Variants in KIAA1217 observed in about 807,000 individuals in gnomAD.
The protein encoded by KIAA1217 is KIAA1217.
KIAA1217 carries 88 observed loss-of-function variants against 163.9 expected under a neutral mutation model. That is an observed-to-expected ratio of 0.54 (90% CI 0.45 to 0.64). The LOEUF (loss-of-function observed/expected upper bound fraction) is 0.64, where lower values mean the gene tolerates loss of function less well. Among genes scored for constraint, KIAA1217 ranks in the 30% least tolerant of loss-of-function variants. The pLI, the probability that KIAA1217 is intolerant of heterozygous loss-of-function variation, is 0.00. For synonymous variants in KIAA1217, 903 were observed against 923.1 expected, an observed-to-expected ratio of 0.98 and a Z score of 0.39; for missense variants, 2,372 against 2,475.0, an observed-to-expected ratio of 0.96 and a Z score of 0.88.
At chr10:23,893,324 G>A (rs1457042680) in intron 1 of KIAA1217, among the ~76,000 whole-genome samples, 2 of 152,020 alleles carry the variant, frequency 1.3e-5, no homozygotes, top group Non-Finnish European at 2.9e-5. Context: ...ATTTCTGTGG[G>A]ATCGATGGTG....
intron 6 of KIAA1217, among the ~76,000 whole-genome samples, chr10:24,485,755 T>C (rs1048569138): frequency 6.6e-6 from 1 of 152,232 alleles, no homozygotes; most frequent in African/African-American, 2.4e-5. Context: ...TGCCCTCATT[T>C]TGATGTCTCT....
At chr10:24,079,455 C>T (rs912220568) in intron 2 of KIAA1217, among the ~76,000 whole-genome samples, 2 of 152,122 alleles carry the variant, frequency 1.3e-5, no homozygotes, top group African/African-American at 2.4e-5. Context: ...ATGAAAGTCT[C>T]CATTTCCCTT....
chr10:24,044,011 T>C (rs1470902946), intron 2 of KIAA1217, among the ~76,000 whole-genome samples: 3 of 152,230 alleles, frequency 2.0e-5, no homozygotes, highest in East Asian at 3.9e-4. Flanking sequence ...AGATAAATTA[T>C]AAAATAATGA....
At chr10:23,923,780 G>A (rs1022533274) in intron 1 of KIAA1217, among the ~76,000 whole-genome samples, 1 of 152,036 alleles carries the variant, frequency 6.6e-6, no homozygotes, top group Non-Finnish European at 1.5e-5. Flanking sequence ...GAACTGTAAG[G>A]GAACAAATCT....
chr10:23,788,283 A>G (rs1203098943), intron 1 of KIAA1217, among the ~76,000 whole-genome samples: 2 of 152,206 alleles, frequency 1.3e-5, no homozygotes, highest in Non-Finnish European at 2.9e-5. Flanking sequence ...ATTTGTTGAT[A>G]GCCCAGTGGG....
At chr10:24,411,089 C>A (rs757138241) in intron 3 of KIAA1217, among the ~76,000 whole-genome samples, 1 of 152,196 alleles carries the variant, frequency 6.6e-6, no homozygotes, top group Non-Finnish European at 1.5e-5. Context: ...ATGTACTGTG[C>A]ATGTCAGATT....
chr10:24,437,180 C>T (rs2060113870), intron 4 of KIAA1217, among the ~76,000 whole-genome samples: 1 of 152,142 alleles, frequency 6.6e-6, no homozygotes, highest in Non-Finnish European at 1.5e-5. Context: ...TTCCTCTGGC[C>T]AAATGGGGAG....
chr10:23,785,911 C>T (rs986546010), intron 1 of KIAA1217, among the ~76,000 whole-genome samples: 1 of 152,076 alleles, frequency 6.6e-6, no homozygotes, highest in Non-Finnish European at 1.5e-5. Flanking sequence ...GATACATAAA[C>T]AACATCAGAA....
intron 1 of KIAA1217, among the ~76,000 whole-genome samples, chr10:23,726,254 A>T (rs1051343975): frequency 1.3e-5 from 2 of 150,076 alleles, no homozygotes; most frequent in Middle Eastern, 3.5e-3. Context: ...GGGGGAGAGT[A>T]AAACTAATTT....
chr10:23,808,721 T>C (rs1473126430), intron 1 of KIAA1217, among the ~76,000 whole-genome samples: 1 of 151,882 alleles, frequency 6.6e-6, no homozygotes, highest in Non-Finnish European at 1.5e-5. Context: ...CTAATAAAAC[T>C]GTCAGAAGAG....
chr10:24,284,333 G>A (rs1256408160), intron 2 of KIAA1217, among the ~76,000 whole-genome samples: 1 of 152,158 alleles, frequency 6.6e-6, no homozygotes, highest in Admixed American at 6.5e-5. Context: ...CACCCAGATA[G>A]TGAACACAGC....
At chr10:24,368,080 A>G (rs1271339543) in intron 2 of KIAA1217, among the ~76,000 whole-genome samples, 1 of 152,242 alleles carries the variant, frequency 6.6e-6, no homozygotes. Context: ...TAAACATTAA[A>G]GTTCAAGTTT....
At chr10:24,538,942 C>T (rs1185169907) in intron 17 of KIAA1217, among the ~76,000 whole-genome samples, 1 of 151,794 alleles carries the variant, frequency 6.6e-6, no homozygotes, top group African/African-American at 2.4e-5. Flanking sequence ...CCATCTTGGC[C>T]AGGTTGGTCT....
At chr10:24,404,756 G>A (rs1004948357) in intron 3 of KIAA1217, among the ~76,000 whole-genome samples, 13 of 152,186 alleles carry the variant, frequency 8.5e-5, no homozygotes, top group African/African-American at 3.1e-4. Flanking sequence ...TCCTTCAGTG[G>A]GTGAATAGTT....
At chr10:24,176,879 C>G (rs1347193784) in intron 2 of KIAA1217, among the ~76,000 whole-genome samples, 1 of 152,186 alleles carries the variant, frequency 6.6e-6, no homozygotes, top group Non-Finnish European at 1.5e-5. Flanking sequence ...CACGGGGAGG[C>G]AGCTGAGGCC....
intron 2 of KIAA1217, among the ~76,000 whole-genome samples, chr10:24,323,186 C>A (rs901860745): frequency 2.0e-5 from 3 of 152,240 alleles, no homozygotes; most frequent in East Asian, 1.9e-4. Flanking sequence ...GAACTCCCGA[C>A]CTCAAGTGAT....
At chr10:24,403,505 C>T (rs373984191) in intron 3 of KIAA1217, among the ~76,000 whole-genome samples, 3 of 152,192 alleles carry the variant, frequency 2.0e-5, no homozygotes, top group African/African-American at 7.2e-5. Context: ...TCCCAAAGTG[C>T]TGGGATTACA....
At chr10:24,398,450 C>T (rs3858215) in intron 3 of KIAA1217, among the ~76,000 whole-genome samples, 3,966 of 152,212 alleles carry the variant, frequency 0.026, 194 homozygotes, top group African/African-American at 0.091. Context: ...GCAGCAATCT[C>T]AATTCTTGCC....
At chr10:23,737,091 A>G (rs1838848937) in intron 1 of KIAA1217, among the ~76,000 whole-genome samples, 1 of 152,228 alleles carries the variant, frequency 6.6e-6, no homozygotes, top group African/African-American at 2.4e-5. Flanking sequence ...ATGTCCTTCA[A>G]AAGACTCTTA....
Sources: gnomAD v4.1 joint callset for allele counts (sites outside exome capture counted in the v4.1 genomes callset) on GRCh38, gnomAD v4.1.1 for gene constraint, MANE v1.5 for transcripts, NCBI Gene and HGNC (gene_info 2026-07-23, HGNC 2026-07-21) for gene names.